Variants in PER2 observed in about 807,000 individuals in gnomAD.
PER2 encodes period circadian protein homolog 2.
In PER2, 66 loss-of-function variants were observed where a neutral mutation model predicts 121.0. The observed-to-expected ratio is 0.55, with a 90% CI of 0.45 to 0.67. The LOEUF (loss-of-function observed/expected upper bound fraction) is 0.67. Among genes scored for constraint, PER2 ranks in the 30% least tolerant of loss-of-function variants. The pLI, the probability that PER2 is intolerant of heterozygous loss-of-function variation, is 0.00. For synonymous variants in PER2, 684 were observed against 659.9 expected, an observed-to-expected ratio of 1.04 and a Z score of -0.56; for missense variants, 1,521 against 1,635.0, an observed-to-expected ratio of 0.93 and a Z score of 1.20.
In PER2 at chr2:238,271,191, G is replaced by A. The variant is rs548969386; in HGVS notation, c.772+121C>T. On this transcript the variant is annotated intron_variant, in intron 6 of 22. Coordinates refer to ENST00000254657, the MANE Select transcript of PER2 (RefSeq NM_022817.3). ...ACCTTTGCCAGAGCAGGCAGCTGGCGGCCCCCACAGGTGGGCTCTGAAAGG... is the reference window on the plus strand; with the variant it reads ...ACCTTTGCCAGAGCAGGCAGCTGGCAGCCCCCACAGGTGGGCTCTGAAAGG... 61 of 824,832 alleles carry A rather than the reference G, an allele frequency of 7.4e-5. 1 individual carries two copies. Among genetic ancestry groups the A allele is most frequent in the East Asian group, 2.4e-4 (10 of 41,348 alleles). The allele number at this position is 824,832 out of a possible 1,614,324, so 51.1% of individuals were successfully genotyped here.
chr2:238,292,939 T>C (rs1696972739), upstream of PER2, among the ~76,000 whole-genome samples: 1 of 151,892 alleles, frequency 6.6e-6, no homozygotes, highest in Non-Finnish European at 1.5e-5. Context: ...GGTTTCATCA[T>C]GTTGGTCAGG....
upstream of PER2, among the ~76,000 whole-genome samples, chr2:238,294,786 G>A (rs574700184): frequency 1.3e-5 from 2 of 152,208 alleles, no homozygotes; most frequent in African/African-American, 2.4e-5. Context: ...AGGGAAGGCC[G>A]CAAAGTCAGG....
chr2:238,262,372 G>A (rs1214860573), intron 10 of PER2, 28 bp from the exon 11 acceptor site: 3 of 1,612,098 alleles, frequency 1.9e-6, no homozygotes, highest in Admixed American at 1.7e-5. Context: ...AGCATTCAGG[G>A]GAAAAGGGGA....
chr2:238,295,529 G>A, the PER2 span: 2 of 152,236 alleles, frequency 1.3e-5, no homozygotes, highest in Non-Finnish European at 2.9e-5. Context: ...CAGGCAAAGG[G>A]GTCTGATTGG....
chr2:238,262,239 G>A lies in PER2; in HGVS notation c.1259C>T (p.Pro420Leu). The change falls in exon 11 of 23, where the codon CCA (proline) becomes CTA (leucine). Residue 420 changes from proline to leucine, a missense_variant. Physicochemically the swap from Pro to Leu is moderately conservative, Grantham distance 98. Transcript: ENST00000254657. ...GATGAAGGAGATTTTCCTGCTCCAT[G>A]GGTTGATGAAGCTGGACCAGCTGGT... The part of the protein sequence containing the change: ...LDTSWSSFIN[P>L]WSRKISFIIG... 6.2e-7 allele frequency: 1 copy of A among 1,614,030 alleles called. No individual in the cohort carries two copies. The highest frequency in any genetic ancestry group is 8.5e-7 in the Non-Finnish European group (1 of 1,179,940).
In PER2 at chr2:238,262,353, G is replaced by A. The variant is rs371398896; in HGVS notation, c.1154-9C>T. 1.2e-6 allele frequency: 2 copies of A among 1,613,728 alleles called. No homozygotes were observed. The highest frequency in any genetic ancestry group is 1.7e-6 in the Non-Finnish European group (2 of 1,179,794). Reference sequence around the variant, plus strand: ...CCCGCCTGACTGCAGGACTAGGAGAGCAAAAGCCAGCATTCAGGGGAAAAG... The same window carrying A: ...CCCGCCTGACTGCAGGACTAGGAGAACAAAAGCCAGCATTCAGGGGAAAAG... On this transcript the variant is annotated splice_polypyrimidine_tract_variant and intron_variant, in intron 10 of 22. Transcript: ENST00000254657.
chr2:238,270,087 C>A (rs1696237707), intron 6 of PER2, among the ~76,000 whole-genome samples: 1 of 152,218 alleles, frequency 6.6e-6, no homozygotes, highest in Non-Finnish European at 1.5e-5. Context: ...TTAAATATTT[C>A]TTTCTAAGAA....
intron 12 of PER2, 48 bp downstream of exon 12, chr2:238,261,669 CCTCTGCAGGGGG>C: frequency 1.8e-6 from 2 of 1,083,222 alleles, no homozygotes; most frequent in South Asian, 2.7e-5. Flanking sequence ...GAGCCTATGT[CCTCTGCAGGGGG>C]CTCTCAGGCT....
Position 238,258,274 on chromosome 2 carries a change from A to G in PER2, c.1900+2T>C. 1 of 1,614,102 alleles carries G rather than the reference A, an allele frequency of 6.2e-7. No homozygotes were observed. Among genetic ancestry groups the G allele is most frequent in the Non-Finnish European group, 8.5e-7 (1 of 1,179,980 alleles). The stretch of plus-strand genomic sequence containing the variant: ...GTACATGGCTCTACACAGATTAGAT[A>G]CCTCCAGCGTGTGGCCCTGGGCTGA... On this transcript the variant is annotated splice_donor_variant, in intron 16 of 22. Transcript: ENST00000254657. LOFTEE classifies it high-confidence loss of function.
intron 21 of PER2, among the ~76,000 whole-genome samples, chr2:238,249,424 T>C (rs1027794726): frequency 2.0e-5 from 3 of 152,248 alleles, no homozygotes; most frequent in African/African-American, 2.4e-5. Context: ...TTAATTTTTC[T>C]GTATTTTACA....
intron 1 of PER2, among the ~76,000 whole-genome samples, chr2:238,284,733 C>T (rs1040737119): frequency 6.6e-6 from 1 of 152,134 alleles, no homozygotes; most frequent in South Asian, 2.1e-4. Context: ...ACTGGTGCCC[C>T]GACATTACCT....
chr2:238,246,583 GTCAT>G, intron 22 of PER2, 59 bp from the exon 23 acceptor site: 1 of 1,328,908 alleles, frequency 7.5e-7, no homozygotes, highest in South Asian at 1.2e-5. Flanking sequence ...TGTTACAAAA[GTCAT>G]TCAAATTGGC....
the PER2 span, among the ~76,000 whole-genome samples, chr2:238,297,769 C>T: frequency 6.6e-6 from 1 of 152,202 alleles, no homozygotes; most frequent in African/African-American, 2.4e-5. Context: ...TTCCCAAAAC[C>T]TTTCAGTGGG....
Position 238,258,656 on chromosome 2 carries a change from G to A in PER2, c.1628-12C>T, listed in dbSNP as rs756816358. 49 of 1,613,120 alleles carry A rather than the reference G, an allele frequency of 3.0e-5. No individual in the cohort carries two copies. The highest frequency in any genetic ancestry group is 3.2e-5 in the Non-Finnish European group (38 of 1,179,494). On this transcript the variant is annotated splice_polypyrimidine_tract_variant and intron_variant, in intron 14 of 22. Transcript: ENST00000254657. ...ATTAGTTTGCATTTCTGAAGGAATG[G>A]CAAAATTGTTCTTTCATTCATTTTT...
At position 238,258,493 on chromosome 2, in the gene PER2, A is replaced by C. The variant is rs74441481; in HGVS notation, c.1775+4T>G. 325 of 1,614,190 alleles carry C rather than the reference A, an allele frequency of 2.0e-4. 3 individuals are homozygous for C. In the East Asian group the frequency reaches 4.3e-3, roughly 21 times the overall value. On this transcript the variant is annotated splice_donor_region_variant and intron_variant, in intron 15 of 22. Transcript: ENST00000254657. ...TGGAGACTCGGCTGGAAATGCCGGC[A>C]TACCTGATGACGCTGTCCAAGCAGC...
In PER2 at chr2:238,263,009, C is replaced by G. The variant is rs760909050; in HGVS notation, c.1096G>C (p.Val366Leu). ...YLPQDLIETP[V>L]LVQLHPSDRP... ...TCACTAGGGTGGAGCTGCACGAGCA[C>G]TGGGGTTTCAATCAGGTCCTGAGGT... is the stretch of plus-strand genomic sequence containing the variant. Residue 366 changes from valine (V) to leucine (L), a missense_variant, in exon 10 of 23, where the codon GTG becomes CTG. By Grantham distance (32) the Val-to-Leu change is conservative (BLOSUM62 1). Coordinates refer to ENST00000254657, the MANE Select transcript of PER2 (RefSeq NM_022817.3). 2.4e-5 allele frequency: 38 copies of G among 1,613,986 alleles called. No individual in the cohort carries two copies. Among genetic ancestry groups the G allele is most frequent in the Middle Eastern group, 1.6e-4 (1 of 6,080 alleles).
At chr2:238,276,474 A>G (rs1696459725) in intron 3 of PER2, among the ~76,000 whole-genome samples, 1 of 152,212 alleles carries the variant, frequency 6.6e-6, no homozygotes, top group Non-Finnish European at 1.5e-5. Flanking sequence ...GGTGCAGTGG[A>G]CTGTGCACTA....
At chr2:238,266,062 C>T (rs1411066532) in intron 8 of PER2, among the ~76,000 whole-genome samples, 5 of 152,048 alleles carry the variant, frequency 3.3e-5, no homozygotes, top group Non-Finnish European at 5.9e-5. Flanking sequence ...TGCCACCACG[C>T]CCAGCTAATT....
At chr2:238,255,951 C>T (rs1424835602) in intron 17 of PER2, 40 bp from the exon 18 acceptor site, 4 of 1,612,992 alleles carry the variant, frequency 2.5e-6, no homozygotes, top group Non-Finnish European at 8.5e-7. Context: ...CACACGTGCC[C>T]TGTTTATTAT....
Sources: gnomAD v4.1 joint callset for allele counts (sites outside exome capture counted in the v4.1 genomes callset) on GRCh38, gnomAD v4.1.1 for gene constraint, MANE v1.5 for transcripts, NCBI Gene and HGNC (gene_info 2026-07-23, HGNC 2026-07-21) for gene names.